Variants in IMMP2L observed in about 807,000 individuals in gnomAD.
The protein encoded by IMMP2L is inner mitochondrial membrane peptidase subunit 2.
A neutral mutation model predicts 19.3 loss-of-function variants in IMMP2L; 18 were observed. That is an observed-to-expected ratio of 0.93 (90% CI 0.64 to 1.38). The LOEUF (loss-of-function observed/expected upper bound fraction) is 1.38. IMMP2L is among the 40% of genes most tolerant of loss of function. The pLI is 0.00. For missense variants in IMMP2L, 233 were observed against 218.2 expected, an observed-to-expected ratio of 1.07 and a Z score of -0.43; for synonymous variants, 76 against 73.0, an observed-to-expected ratio of 1.04 and a Z score of -0.21.
chr7:111,555,629 C>T (rs1019512470), intron 1 of IMMP2L, among the ~76,000 whole-genome samples: 4 of 152,044 alleles, frequency 2.6e-5, no homozygotes, highest in African/African-American at 9.7e-5. Flanking sequence ...TAAGATTCCA[C>T]ATGTGAGATA....
At chr7:110,837,706 C>T (rs1038443791) in intron 5 of IMMP2L, among the ~76,000 whole-genome samples, 3 of 151,974 alleles carry the variant, frequency 2.0e-5, no homozygotes, top group Non-Finnish European at 2.9e-5. Flanking sequence ...AAGAGAAAAC[C>T]GATTTTTAGT....
At chr7:111,351,187 A>T (rs980265942) in intron 3 of IMMP2L, among the ~76,000 whole-genome samples, 6 of 151,876 alleles carry the variant, frequency 4.0e-5, no homozygotes, top group African/African-American at 7.3e-5. Flanking sequence ...TTTTTATTTT[A>T]TTTATTTATT....
intron 3 of IMMP2L, among the ~76,000 whole-genome samples, chr7:111,071,431 G>T (rs2129575397): frequency 6.6e-6 from 1 of 152,102 alleles, no homozygotes; most frequent in South Asian, 2.1e-4. Context: ...GCAAATACAT[G>T]CACATGAATG....
At chr7:111,145,345 G>A (rs1803353407) in intron 3 of IMMP2L, among the ~76,000 whole-genome samples, 1 of 152,016 alleles carries the variant, frequency 6.6e-6, no homozygotes, top group South Asian at 2.1e-4. Flanking sequence ...TCACTGTATA[G>A]GCTGTTGTGC....
chr7:111,491,144 TTTC>T (rs1843063810), intron 2 of IMMP2L, among the ~76,000 whole-genome samples: 1 of 152,178 alleles, frequency 6.6e-6, no homozygotes, highest in Admixed American at 6.5e-5. Context: ...TATTTTTCTC[TTTC>T]TTATGATGTT....
At chr7:111,397,513 T>C (rs1832995971) in intron 3 of IMMP2L, among the ~76,000 whole-genome samples, 1 of 152,154 alleles carries the variant, frequency 6.6e-6, no homozygotes, top group South Asian at 2.1e-4. Flanking sequence ...GTCAAGCCTT[T>C]TGATGCCTAC....
At position 110,954,418 on chromosome 7, in the gene IMMP2L, G is replaced by A. The variant is rs568566682; in HGVS notation, c.305+9082C>T. Among the ~76,000 whole-genome samples the A allele has an allele frequency of 5.9e-5, 9 of 152,098 alleles. No individual in the cohort carries two copies. The East Asian group carries it at 1.7e-3, about 29-fold the overall frequency. ...TTGGCTTTTAATATTTATAATCCCA[G>A]AGACAGGAACAGTGTTTAACACACA... On this transcript the variant is annotated intron_variant, in intron 4 of 5. Transcript: ENST00000405709.
chr7:110,907,505 G>A (rs1812595811), intron 4 of IMMP2L, among the ~76,000 whole-genome samples: 1 of 151,780 alleles, frequency 6.6e-6, no homozygotes, highest in South Asian at 2.1e-4. Flanking sequence ...CATGATGGGG[G>A]ATGGGGCGGG....
intron 3 of IMMP2L, among the ~76,000 whole-genome samples, chr7:111,049,316 A>G (rs1052705483): frequency 4.6e-5 from 7 of 151,644 alleles, no homozygotes; most frequent in Admixed American, 6.6e-5. Context: ...TATTTTTAGT[A>G]GAGACGGGGT....
intron 3 of IMMP2L, among the ~76,000 whole-genome samples, chr7:111,413,031 A>G (rs533649119): frequency 4.5e-5 from 5 of 111,116 alleles, no homozygotes; most frequent in African/African-American, 1.8e-4. Flanking sequence ...ACAAATTAAC[A>G]AATATCAGAA....
At chr7:111,374,984 T>A (rs911177200) in intron 3 of IMMP2L, among the ~76,000 whole-genome samples, 1 of 152,086 alleles carries the variant, frequency 6.6e-6, no homozygotes, top group Non-Finnish European at 1.5e-5. Context: ...TTGAATATTT[T>A]TGGTAAATAT....
chr7:110,699,105 C>T (rs1794080331), intron 5 of IMMP2L, among the ~76,000 whole-genome samples: 1 of 152,058 alleles, frequency 6.6e-6, no homozygotes, highest in Non-Finnish European at 1.5e-5. Context: ...ACTTGGCATC[C>T]ACTGAGGAAA....
At chr7:111,315,024 G>T (rs1225972596) in intron 3 of IMMP2L, among the ~76,000 whole-genome samples, 1 of 152,072 alleles carries the variant, frequency 6.6e-6, no homozygotes, top group Admixed American at 6.6e-5. Flanking sequence ...TATTTTAAAA[G>T]TATACGTGCA....
chr7:111,102,234 T>C (rs1049024846), intron 3 of IMMP2L, among the ~76,000 whole-genome samples: 4 of 151,678 alleles, frequency 2.6e-5, no homozygotes, highest in East Asian at 1.9e-4. Context: ...TCATAGCACA[T>C]TGACTATGAT....
chr7:111,078,733 A>G (rs1300272231), intron 3 of IMMP2L, among the ~76,000 whole-genome samples: 1 of 151,466 alleles, frequency 6.6e-6, no homozygotes, highest in Non-Finnish European at 1.5e-5. Context: ...TTATTTATTT[A>G]TTTATTTATT....
chr7:110,999,330 GT>G (rs71151823), intron 3 of IMMP2L, among the ~76,000 whole-genome samples: 107,335 of 128,512 alleles, frequency 0.84, 45,871 homozygotes, highest in Non-Finnish European at 0.93. Flanking sequence ...ATTTTCCATG[GT>G]TTTTTTTTTT....
chr7:111,463,967 A>G (rs1774151225), intron 3 of IMMP2L, among the ~76,000 whole-genome samples: 1 of 152,222 alleles, frequency 6.6e-6, no homozygotes, highest in South Asian at 2.1e-4. Context: ...TAGTAAAGAC[A>G]TCACTTTCTG....
chr7:111,251,412 A>G (rs1261431691), intron 3 of IMMP2L, among the ~76,000 whole-genome samples: 1 of 152,188 alleles, frequency 6.6e-6, no homozygotes, highest in East Asian at 1.9e-4. Flanking sequence ...GTATATACCC[A>G]AAGGATTATA....
intron 1 of IMMP2L, among the ~76,000 whole-genome samples, chr7:111,523,722 T>A (rs1846572010): frequency 1.3e-5 from 2 of 152,136 alleles, no homozygotes; most frequent in South Asian, 4.1e-4. Context: ...TTCAAACTCA[T>A]CTAACAACTA....
Sources: gnomAD v4.1 joint callset for allele counts (sites outside exome capture counted in the v4.1 genomes callset) on GRCh38, gnomAD v4.1.1 for gene constraint, MANE v1.5 for transcripts, NCBI Gene and HGNC (gene_info 2026-07-23, HGNC 2026-07-21) for gene names.